FKBP5: variants seen among roughly 807,000 people sequenced by gnomAD.
FKBP5 encodes the protein FKBP prolyl isomerase 5.
In FKBP5, 23 loss-of-function variants were observed where a neutral mutation model predicts 50.5. That is an observed-to-expected ratio of 0.46 (90% CI 0.33 to 0.65). FKBP5 has a LOEUF of 0.65. Ranked by LOEUF, FKBP5 falls within the 30% of genes least tolerant of loss-of-function variation. FKBP5 has a pLI of 0.02. For synonymous variants in FKBP5, 176 were observed against 190.6 expected, an observed-to-expected ratio of 0.92 and a Z score of 0.63; for missense variants, 411 against 553.1, an observed-to-expected ratio of 0.74 and a Z score of 2.58.
At chr6:35,630,450 G>A (rs962049220) in intron 3 of FKBP5, among the ~76,000 whole-genome samples, 5 of 152,168 alleles carry the variant, frequency 3.3e-5, no homozygotes, top group African/African-American at 1.2e-4. Flanking sequence ...AGGAGGCTGA[G>A]GCAGGAGAAT....
At chr6:35,592,176 T>C (rs1288217761) in intron 6 of FKBP5, among the ~76,000 whole-genome samples, 1 of 152,226 alleles carries the variant, frequency 6.6e-6, no homozygotes, top group Admixed American at 6.5e-5. Flanking sequence ...GAAATGGTAT[T>C]ACAAAAAACT....
intron 2 of FKBP5, among the ~76,000 whole-genome samples, chr6:35,714,571 C>A (rs1028012642): frequency 6.6e-5 from 10 of 151,762 alleles, no homozygotes; most frequent in African/African-American, 2.2e-4. Flanking sequence ...AATCACAGCA[C>A]TTTGGGAGGC....
chr6:35,601,958 T>C (rs1449734759), intron 5 of FKBP5, among the ~76,000 whole-genome samples: 1 of 152,172 alleles, frequency 6.6e-6, no homozygotes, highest in East Asian at 1.9e-4. Context: ...CAAACCAAAT[T>C]ACCCAAGCTT....
chr6:35,682,905 TAAAAAAAAAAAA>T (rs569511819), intron 1 of FKBP5, among the ~76,000 whole-genome samples: 1 of 122,734 alleles, frequency 8.1e-6, no homozygotes, highest in Admixed American at 8.5e-5. Flanking sequence ...CAATCTCTTT[TAAAAAAAAAAAA>T]AAAGAAAAAA....
intron 1 of FKBP5, among the ~76,000 whole-genome samples, chr6:35,686,485 AT>A (rs1442221762): frequency 4.6e-5 from 7 of 152,272 alleles, no homozygotes; most frequent in African/African-American, 1.7e-4. Flanking sequence ...AGTATTTTAT[AT>A]ATTTAAGTAC....
intron 10 of FKBP5, 49 bp from the exon 11 acceptor site, chr6:35,575,991 A>G (rs1215490835): frequency 1.5e-6 from 2 of 1,312,018 alleles, no homozygotes; most frequent in South Asian, 1.2e-5. Flanking sequence ...AAGAAGTGAA[A>G]TAATTCCTGG....
chr6:35,667,136 T>G (rs1032388494), intron 1 of FKBP5, among the ~76,000 whole-genome samples: 18 of 152,146 alleles, frequency 1.2e-4, no homozygotes, highest in African/African-American at 4.1e-4. Context: ...TAGCAAAGGC[T>G]CTTAACCTTA....
rs58812576 is a variant in FKBP5, at chr6:35,589,128, A to AT, written c.756+2001dup. Among the ~76,000 whole-genome samples, 251 of 121,540 alleles carry AT rather than the reference A, an allele frequency of 2.1e-3. 3 individuals are homozygous for AT. The highest frequency in any genetic ancestry group is 7.4e-3 in the East Asian group (32 of 4,308). The allele number at this position is 121,540 out of a possible 152,430, so 79.7% of individuals were successfully genotyped here. On this transcript the variant is annotated intron_variant, in intron 7 of 10. Transcript: ENST00000357266. ...TATATTTTTATATATATATATATAT[A>AT]TTTTTTTTTTTTTCCTCTGAGACGG...
intron 3 of FKBP5, among the ~76,000 whole-genome samples, chr6:35,621,288 C>G (rs536900134): frequency 6.6e-6 from 1 of 152,208 alleles, no homozygotes; most frequent in East Asian, 1.9e-4. Context: ...AGTATCAAGT[C>G]CTTTCGGAAA....
At chr6:35,610,058 A>C (rs573892702) in intron 5 of FKBP5, among the ~76,000 whole-genome samples, 1 of 152,276 alleles carries the variant, frequency 6.6e-6, no homozygotes, top group African/African-American at 2.4e-5. Context: ...CCATTTTTCT[A>C]AGCAGTTGGA....
chr6:35,686,665 T>G (rs1561895148), intron 1 of FKBP5, among the ~76,000 whole-genome samples: 1 of 152,208 alleles, frequency 6.6e-6, no homozygotes, highest in Non-Finnish European at 1.5e-5. Flanking sequence ...AGCAGTAACT[T>G]CTTCTACAGG....
chr6:35,666,032 G>T (rs1460190426), intron 1 of FKBP5, among the ~76,000 whole-genome samples: 1 of 152,034 alleles, frequency 6.6e-6, no homozygotes, highest in Admixed American at 6.6e-5. Flanking sequence ...TTCAACTTGT[G>T]ATATTTTCTA....
At chr6:35,615,743 AGTT>A (rs1247198795) in intron 5 of FKBP5, among the ~76,000 whole-genome samples, 1 of 152,204 alleles carries the variant, frequency 6.6e-6, no homozygotes, top group African/African-American at 2.4e-5. Flanking sequence ...GAGTGTGTAA[AGTT>A]GTGATACAAA....
intron 1 of FKBP5, among the ~76,000 whole-genome samples, chr6:35,644,249 G>T (rs1390020227): frequency 6.6e-6 from 1 of 152,142 alleles, no homozygotes; most frequent in Non-Finnish European, 1.5e-5. Context: ...ATTCCACACT[G>T]CTCCCTGTTT....
intron 1 of FKBP5, among the ~76,000 whole-genome samples, chr6:35,671,808 G>A (rs1265678970): frequency 6.6e-6 from 1 of 151,410 alleles, no homozygotes; most frequent in East Asian, 1.9e-4. Flanking sequence ...ATATGAAGGG[G>A]CTAAGAGAAA....
intron 8 of FKBP5, chr6:35,585,641 T>C: frequency 1.1e-6 from 1 of 943,618 alleles, no homozygotes; most frequent in Non-Finnish European, 1.3e-6. Context: ...TAATGATAAA[T>C]AACATATTTA....
In FKBP5 at chr6:35,619,214, G is replaced by A; in HGVS notation, c.394-4C>T. The A allele has an allele frequency of 6.3e-7, 1 of 1,598,352 alleles. No homozygotes were observed. The highest frequency in any genetic ancestry group is 1.3e-5 in the African/African-American group (1 of 74,174). ...CTTTGAAATCAAGGAGCTCAATCTA[G>A]AAAGAAAAAAGGAATTCAGCTGAGA... On this transcript the variant is annotated splice_region_variant and splice_polypyrimidine_tract_variant and intron_variant, in intron 4 of 10. Coordinates refer to ENST00000357266, the MANE Select transcript of FKBP5 (RefSeq NM_004117.4).
intron 2 of FKBP5, among the ~76,000 whole-genome samples, chr6:35,718,645 G>A (rs1305955130): frequency 6.6e-6 from 1 of 152,190 alleles, no homozygotes; most frequent in African/African-American, 2.4e-5. Context: ...AAGCTAAAAT[G>A]TGGCTTAGTT....
chr6:35,663,234 C>A (rs918262861), intron 1 of FKBP5, among the ~76,000 whole-genome samples: 1 of 152,120 alleles, frequency 6.6e-6, no homozygotes, highest in Non-Finnish European at 1.5e-5. Flanking sequence ...CAGAAAGACG[C>A]GAAGACACAA....
Sources: allele counts gnomAD v4.1 joint callset (sites outside exome capture counted in the v4.1 genomes callset), GRCh38; gene constraint gnomAD v4.1.1; transcripts MANE v1.5; gene names NCBI Gene and HGNC (gene_info 2026-07-23, HGNC 2026-07-21).